MALT1: variants seen among roughly 807,000 people sequenced by gnomAD.
The protein encoded by MALT1 is MALT1 paracaspase, also known as mucosa-associated lymphoid tissue lymphoma translocation protein 1.
Under a neutral mutation model 85.5 loss-of-function variants are expected in MALT1, and 36 were observed. The ratio of observed to expected loss-of-function variants is 0.42; its 90% CI spans 0.32 to 0.56. MALT1 has a LOEUF of 0.56. MALT1 is among the 20% of genes least tolerant of loss of function. The pLI is 0.10. For missense variants in MALT1, 716 were observed against 981.6 expected, an observed-to-expected ratio of 0.73 and a Z score of 3.62; for synonymous variants, 359 against 361.3, an observed-to-expected ratio of 0.99 and a Z score of 0.07.
chr18:58,694,515 G>A (rs1408487467), intron 2 of MALT1, among the ~76,000 whole-genome samples: 1 of 152,170 alleles, frequency 6.6e-6, no homozygotes, highest in African/African-American at 2.4e-5. Flanking sequence ...AGGAAATTAA[G>A]TTTTATAAGT....
chr18:58,711,246 CTTAATG>C (rs1330763135), intron 7 of MALT1, among the ~76,000 whole-genome samples: 1 of 152,024 alleles, frequency 6.6e-6, no homozygotes, highest in Non-Finnish European at 1.5e-5. Context: ...GCAATTAATT[CTTAATG>C]TTAATTTTTA....
intron 3 of MALT1, among the ~76,000 whole-genome samples, chr18:58,697,478 TC>T (rs1171673901): frequency 6.6e-6 from 1 of 152,216 alleles, no homozygotes; most frequent in Non-Finnish European, 1.5e-5. Flanking sequence ...CCATGTGAAT[TC>T]CTATCATCAG....
At chr18:58,738,283 T>C (rs2055253164) in intron 13 of MALT1, among the ~76,000 whole-genome samples, 1 of 152,232 alleles carries the variant, frequency 6.6e-6, no homozygotes, top group African/African-American at 2.4e-5. Flanking sequence ...TTGGTTAATA[T>C]TATGTTGCTA....
rs2055416755 is a variant in MALT1, at chr18:58,749,396, T to G, written c.*1554T>G. 1 of 216,050 alleles carries G rather than the reference T, an allele frequency of 4.6e-6. No homozygotes were observed. Among genetic ancestry groups the G allele is most frequent in the Admixed American group, 5.8e-5 (1 of 17,154 alleles). 13.4% of individuals were successfully genotyped at this position (216,050 alleles called of 1,614,324 possible). On this transcript the variant is annotated 3_prime_UTR_variant, in exon 17 of 17. Coordinates refer to ENST00000649217, the MANE Select transcript of MALT1 (RefSeq NM_006785.4). ...CCCCTAACAGGTGTCAGAGCTGAAA[T>G]TCAAACCCCATCCAGCTGGCCCCGG...
chr18:58,681,696 G>A (rs2054324942), intron 2 of MALT1, among the ~76,000 whole-genome samples: 1 of 152,104 alleles, frequency 6.6e-6, no homozygotes, highest in South Asian at 2.1e-4. Flanking sequence ...CATTGGAATA[G>A]TGCAGCCAAA....
Position 58,750,421 on chromosome 18 carries a change from C to T in MALT1, c.*2579C>T, listed in dbSNP as rs192004430. The T allele has an allele frequency of 1.6e-4, 24 of 152,230 alleles. No homozygotes were observed. The highest frequency in any genetic ancestry group is 4.8e-4 in the African/African-American group (20 of 41,494). 9.4% of individuals were successfully genotyped at this position (152,230 alleles called of 1,614,324 possible). ...CAAACTGGTAAAATTGGTAGGGAAA[C>T]GCAGGGGACCCAGAATAGCCAAAAA... On this transcript the variant is annotated 3_prime_UTR_variant, in exon 17 of 17. Coordinates refer to ENST00000649217, the MANE Select transcript of MALT1 (RefSeq NM_006785.4).
intron 10 of MALT1, among the ~76,000 whole-genome samples, chr18:58,726,031 A>C (rs1308083581): frequency 6.6e-6 from 1 of 152,228 alleles, no homozygotes; most frequent in Non-Finnish European, 1.5e-5. Context: ...ACTGCACTCC[A>C]GCCTGGGCAA....
At chr18:58,730,736 A>C (rs745570848) in intron 10 of MALT1, among the ~76,000 whole-genome samples, 4 of 152,168 alleles carry the variant, frequency 2.6e-5, no homozygotes, top group Admixed American at 1.3e-4. Flanking sequence ...ACCATTTTAC[A>C]TTTGTGCCAC....
intron 9 of MALT1, among the ~76,000 whole-genome samples, chr18:58,721,293 C>T (rs564348256): frequency 5.9e-5 from 9 of 152,170 alleles, no homozygotes; most frequent in Middle Eastern, 3.4e-3. Context: ...GTGGGAGAAT[C>T]GCTTGAACCC....
intron 6 of MALT1, among the ~76,000 whole-genome samples, chr18:58,710,494 G>A (rs897391551): frequency 1.3e-5 from 2 of 152,046 alleles, no homozygotes; most frequent in African/African-American, 4.8e-5. Context: ...AGACCAGCCC[G>A]GGCAACATAG....
intron 13 of MALT1, among the ~76,000 whole-genome samples, chr18:58,738,159 TC>T (rs2055251504): frequency 6.6e-6 from 1 of 152,210 alleles, no homozygotes; most frequent in African/African-American, 2.4e-5. Context: ...TATTCCTTTT[TC>T]GTTTTACATA....
chr18:58,736,354 C>T (rs188079907), intron 13 of MALT1, among the ~76,000 whole-genome samples: 570 of 152,034 alleles, frequency 3.7e-3, no homozygotes, highest in Non-Finnish European at 6.3e-3. Flanking sequence ...GCCACCCTCC[C>T]GCTTCATCCA....
intron 2 of MALT1, among the ~76,000 whole-genome samples, chr18:58,692,449 C>CCTCTCT (rs1568129482): frequency 8.0e-5 from 3 of 37,354 alleles, no homozygotes; most frequent in East Asian, 6.8e-4. Context: ...TCTCTCCCTC[C>CCTCTCT]CTCCCTCCCT....
chr18:58,742,248 A>G (rs2055311499), intron 14 of MALT1, among the ~76,000 whole-genome samples: 2 of 152,330 alleles, frequency 1.3e-5, no homozygotes, highest in Admixed American at 6.5e-5. Flanking sequence ...TTAAATGACC[A>G]TTTAAAAATT....
intron 5 of MALT1, 99 bp from the exon 6 acceptor site, chr18:58,709,877 T>C: frequency 1.3e-6 from 1 of 773,474 alleles, no homozygotes; most frequent in Non-Finnish European, 2.2e-6. Context: ...CCTTCTAAGA[T>C]GTTATGTTTT....
At chr18:58,727,632 T>TG (rs2055081644) in intron 10 of MALT1, among the ~76,000 whole-genome samples, 1 of 150,066 alleles carries the variant, frequency 6.7e-6, no homozygotes, top group African/African-American at 2.5e-5. Context: ...TTTTTTGTTT[T>TG]TTTTTTTTTT....
At chr18:58,681,471 A>C in intron 2 of MALT1, 135 bp downstream of exon 2, 1 of 742,032 alleles carries the variant, frequency 1.3e-6, no homozygotes, top group Non-Finnish European at 2.0e-6. Context: ...TTGCTTTCCC[A>C]GGTTGAAGCA....
intron 8 of MALT1, among the ~76,000 whole-genome samples, chr18:58,714,611 G>A (rs533211335): frequency 5.8e-4 from 88 of 152,304 alleles, no homozygotes; most frequent in African/African-American, 2.0e-3. Flanking sequence ...CGGTTGGTCA[G>A]TGACCATTTC....
intron 10 of MALT1, among the ~76,000 whole-genome samples, chr18:58,730,531 G>A (rs1375851121): frequency 1.3e-5 from 2 of 148,546 alleles, no homozygotes; most frequent in Non-Finnish European, 2.9e-5. Flanking sequence ...ATTATATTTT[G>A]TTTATCCATT....
Sources: gnomAD v4.1 joint callset for allele counts (sites outside exome capture counted in the v4.1 genomes callset) on GRCh38, gnomAD v4.1.1 for gene constraint, MANE v1.5 for transcripts, NCBI Gene and HGNC (gene_info 2026-07-23, HGNC 2026-07-21) for gene names.